Variants in HMG20A observed in about 807,000 individuals in gnomAD.
HMG20A encodes the protein high mobility group 20A.
HMG20A carries 17 observed loss-of-function variants against 43.9 expected under a neutral mutation model. The ratio of observed to expected loss-of-function variants is 0.39; its 90% confidence interval spans 0.27 to 0.58. HMG20A has a LOEUF of 0.58. HMG20A is among the 20% of genes least tolerant of loss of function. The pLI, the probability that HMG20A is intolerant of heterozygous loss-of-function variation, is 0.59. For missense variants in HMG20A, 341 were observed against 438.2 expected (o/e 0.78, Z 1.98); for synonymous variants, 132 against 147.5 (o/e 0.89, Z 0.76).
At chr15:77,467,401 T>A in intron 4 of HMG20A, 94 bp downstream of exon 4, 1 of 1,063,754 alleles carries the variant, frequency 9.4e-7, no homozygotes, top group Non-Finnish European at 1.4e-6. Context: ...CAGTTGATTC[T>A]GCAGTTTTGT....
intron 6 of HMG20A, 83 bp downstream of exon 6, chr15:77,471,897 T>G (rs1313009060): frequency 2.3e-5 from 17 of 727,024 alleles, no homozygotes; most frequent in Non-Finnish European, 3.7e-5. Flanking sequence ...TTTTTTTTTT[T>G]TAATGAATGG....
chr15:77,504,371 G>A, the HMG20A span, among the ~76,000 whole-genome samples: 1 of 152,238 alleles, frequency 6.6e-6, no homozygotes, highest in Non-Finnish European at 1.5e-5. Flanking sequence ...GTACCAAGCT[G>A]CAGTCTGGGA....
chr15:77,423,998 C>T (rs1280974371), intron 1 of HMG20A, among the ~76,000 whole-genome samples: 1 of 152,142 alleles, frequency 6.6e-6, no homozygotes, highest in African/African-American at 2.4e-5. Context: ...TCACTGTTCT[C>T]AGGACTTTGA....
chr15:77,499,739 C>A, the HMG20A span, among the ~76,000 whole-genome samples: 4 of 152,194 alleles, frequency 2.6e-5, no homozygotes, highest in South Asian at 8.3e-4. Context: ...CATTTGTCCC[C>A]CTCTTAACTC....
chr15:77,506,871 C>T, the HMG20A span, among the ~76,000 whole-genome samples: 1 of 152,346 alleles, frequency 6.6e-6, no homozygotes. Context: ...GAAGGAAGGT[C>T]GGCCAGCGCC....
At chr15:77,454,575 T>C (rs2072637112) in intron 1 of HMG20A, among the ~76,000 whole-genome samples, 1 of 152,102 alleles carries the variant, frequency 6.6e-6, no homozygotes, top group Non-Finnish European at 1.5e-5. Context: ...GAGGGCCCAG[T>C]TGTGATTGGA....
intron 1 of HMG20A, among the ~76,000 whole-genome samples, chr15:77,426,918 C>T (rs899242027): frequency 6.6e-6 from 1 of 152,062 alleles, no homozygotes; most frequent in African/African-American, 2.4e-5. Flanking sequence ...GGGTTTTTGT[C>T]TTAATGTAGC....
chr15:77,454,471 G>A (rs957538127), intron 1 of HMG20A, among the ~76,000 whole-genome samples: 4 of 152,094 alleles, frequency 2.6e-5, no homozygotes, highest in Admixed American at 6.5e-5. Flanking sequence ...CTGAGTTGGA[G>A]GATTTGGGTG....
At chr15:77,512,560 T>C in the HMG20A span, among the ~76,000 whole-genome samples, 4,643 of 152,034 alleles carry the variant, frequency 0.031, 108 homozygotes, top group South Asian at 0.1. Context: ...AGTAAGTATA[T>C]GAATAAAAAA....
intron 1 of HMG20A, among the ~76,000 whole-genome samples, chr15:77,428,452 T>C (rs2073448552): frequency 6.6e-6 from 1 of 152,138 alleles, no homozygotes; most frequent in African/African-American, 2.4e-5. Context: ...CATCACAAGA[T>C]AAGATATTCA....
Position 77,423,911 on chromosome 15 carries a change from AG to A in HMG20A, c.-5+2909del, listed in dbSNP as rs150552079. Among the ~76,000 whole-genome samples, 1,099 of 152,276 alleles carry A rather than the reference AG, an allele frequency of 7.2e-3. 16 individuals are homozygous for A. The highest frequency in any genetic ancestry group is 0.025 in the African/African-American group (1,044 of 41,564). On this transcript the variant is annotated intron_variant, in intron 1 of 9. Transcript: ENST00000336216. ...GCTGTCTCTATTTCATAGCCTTCACAGGTATTCAAATGAGAATACCCTTTAC... is the reference window on the plus strand; with the variant it reads ...GCTGTCTCTATTTCATAGCCTTCACAGTATTCAAATGAGAATACCCTTTAC...
chr15:77,513,835 C>T, the HMG20A span, among the ~76,000 whole-genome samples: 1 of 151,986 alleles, frequency 6.6e-6, no homozygotes, highest in African/African-American at 2.4e-5. Context: ...AAGCGATTCT[C>T]CTGCCTCAGT....
chr15:77,487,151 G>GATT (rs1231059552), downstream of HMG20A, among the ~76,000 whole-genome samples: 1 of 152,188 alleles, frequency 6.6e-6, no homozygotes, highest in East Asian at 1.9e-4. Flanking sequence ...GCCCTCTAAA[G>GATT]AGTCTTCCTG....
the HMG20A span, among the ~76,000 whole-genome samples, chr15:77,497,245 C>A: frequency 1.3e-5 from 2 of 152,252 alleles, no homozygotes; most frequent in East Asian, 3.9e-4. Context: ...CCTCCCACAG[C>A]ATCTGCTGGT....
chr15:77,472,647 C>T (rs1220435001), intron 6 of HMG20A, among the ~76,000 whole-genome samples: 2 of 152,244 alleles, frequency 1.3e-5, no homozygotes, highest in Non-Finnish European at 2.9e-5. Flanking sequence ...TGGCTTCTTT[C>T]CTCCCACTTG....
the HMG20A span, among the ~76,000 whole-genome samples, chr15:77,509,068 C>T: frequency 3.8e-4 from 58 of 152,216 alleles, no homozygotes; most frequent in Admixed American, 6.5e-4. Context: ...TCCCTGCCTG[C>T]TCTTGGAGAT....
chr15:77,478,552 T>C (rs1411193363), intron 8 of HMG20A, 42 bp downstream of exon 8: 1 of 1,522,916 alleles, frequency 6.6e-7, no homozygotes, highest in African/African-American at 1.4e-5. Context: ...CAGGGGTGTG[T>C]GTGTTGTGTG....
intron 6 of HMG20A, among the ~76,000 whole-genome samples, chr15:77,477,291 T>C (rs533638012): frequency 3.9e-5 from 6 of 152,350 alleles, no homozygotes; most frequent in African/African-American, 1.4e-4. Context: ...AATTCTCCAT[T>C]AGGGAAATTT....
the HMG20A span, among the ~76,000 whole-genome samples, chr15:77,507,662 C>G: frequency 6.6e-6 from 1 of 152,206 alleles, no homozygotes; most frequent in Non-Finnish European, 1.5e-5. Flanking sequence ...GTGCCCCAAT[C>G]AGGGGCAAGC....
Sources: gnomAD v4.1 joint callset for allele counts (sites outside exome capture counted in the v4.1 genomes callset) on GRCh38, gnomAD v4.1.1 for gene constraint, MANE v1.5 for transcripts, NCBI Gene and HGNC (gene_info 2026-07-23, HGNC 2026-07-21) for gene names.